Variants in TGFB3 observed in about 807,000 individuals in gnomAD.
TGFB3 encodes the protein transforming growth factor beta 3, also known as transforming growth factor beta-3 proprotein.
A neutral mutation model predicts 40.1 loss-of-function variants in TGFB3; 5 were observed. The observed-to-expected ratio is 0.12, with a 90% CI of 0.07 to 0.26. The LOEUF (loss-of-function observed/expected upper bound fraction) is 0.26. Ranked by LOEUF, TGFB3 falls within the 10% of genes least tolerant of loss-of-function variation. The pLI is 1.00. For synonymous variants in TGFB3, 184 were observed against 205.6 expected (o/e 0.89, Z 0.90); for missense variants, 373 against 530.1 (o/e 0.70, Z 2.91).
chr14:75,961,482 TG>T (rs138802884), intron 5 of TGFB3, among the ~76,000 whole-genome samples: 1 of 152,356 alleles, frequency 6.6e-6, no homozygotes, highest in East Asian at 1.9e-4. Flanking sequence ...TCTAAGTTTA[TG>T]CAGCTTGACT....
rs1217646124 is a variant in TGFB3, at chr14:75,979,472, C to T, written c.352+1070G>A. Among the ~76,000 whole-genome samples the T allele has an allele frequency of 6.6e-6, 1 of 152,182 alleles. No homozygotes were observed. Among genetic ancestry groups the T allele is most frequent in the Admixed American group, 6.5e-5 (1 of 15,284 alleles). ...GGTAGGAAAAGCAAACAGAGCTGCT[C>T]CCGGAGTCTACGGCCCACGAGTGGC... is the stretch of plus-strand genomic sequence containing the variant. On this transcript the variant is annotated intron_variant, in intron 1 of 6. Transcript: ENST00000238682. The surrounding 1 kb of genome is among the most constrained non-coding windows in gnomAD (Gnocchi z 4.8).
At chr14:75,960,897 T>C in intron 6 of TGFB3, 26 bp downstream of exon 6, 2 of 1,613,986 alleles carry the variant, frequency 1.2e-6, no homozygotes, top group African/African-American at 2.7e-5. Context: ...CCCCAGTGCC[T>C]CAGATGGCAT....
chr14:75,965,620 T>A lies in TGFB3; in HGVS notation c.722A>T (p.Asn241Ile). 6.2e-7 allele frequency: 1 copy of A among 1,614,130 alleles called. No individual in the cohort carries two copies. Among genetic ancestry groups the A allele is most frequent in the East Asian group, 2.2e-5 (1 of 44,890 alleles). The part of the protein sequence containing the change: ...TFQPNGDILE[N>I]IHEVMEIKFK... ...TTTGATTTCCATCACCTCGTGAATG[T>A]TTTCCAGGATATCTCCATTGGGCTG... Residue 241 changes from asparagine (N) to isoleucine (I), a missense_variant, in exon 4 of 7, where the codon AAC becomes ATC. By Grantham distance (149) the Asn-to-Ile change is moderately radical. Transcript: ENST00000238682.
At position 75,958,798 on chromosome 14, in the gene TGFB3, G is replaced by A; in HGVS notation, c.*389C>T. On this transcript the variant is annotated 3_prime_UTR_variant, in exon 7 of 7. Coordinates refer to ENST00000238682, the MANE Select transcript of TGFB3 (RefSeq NM_003239.5). ...AATGAGCAAATCCAACCTCAGATCTGAAGTGTCTTCCAGTCTGGCCCTGAC... is the reference window on the plus strand; with the variant it reads ...AATGAGCAAATCCAACCTCAGATCTAAAGTGTCTTCCAGTCTGGCCCTGAC... 1 of 336,240 alleles carries A rather than the reference G, an allele frequency of 3.0e-6. No individual in the cohort carries two copies. The highest frequency in any genetic ancestry group is 5.8e-6 in the Non-Finnish European group (1 of 171,304). 20.8% of individuals were successfully genotyped at this position (336,240 alleles called of 1,614,324 possible).
At chr14:75,960,758 G>A in intron 6 of TGFB3, 165 bp downstream of exon 6, 1 of 855,392 alleles carries the variant, frequency 1.2e-6, no homozygotes. Context: ...ATGTGACTGA[G>A]TAGAACTGAG....
intron 6 of TGFB3, 156 bp downstream of exon 6, chr14:75,960,767 A>C: frequency 1.1e-6 from 1 of 927,442 alleles, no homozygotes; most frequent in Non-Finnish European, 1.7e-6. Context: ...AGTAGAACTG[A>C]GTCAGGGTGC....
chr14:75,959,066 C>A lies in TGFB3; in HGVS notation c.*121G>T, dbSNP rs760285019. On this transcript the variant is annotated 3_prime_UTR_variant, in exon 7 of 7. Coordinates refer to ENST00000238682, the MANE Select transcript of TGFB3 (RefSeq NM_003239.5). ...GAAACCTCCATCTCAGCCATTTGCC[C>A]GGAGCCGAAGGTTGTGGGCTCCAGG... is the stretch of plus-strand genomic sequence containing the variant. 2 of 1,264,430 alleles carry A rather than the reference C, an allele frequency of 1.6e-6. No individual in the cohort carries two copies. The highest frequency in any genetic ancestry group is 4.7e-5 in the East Asian group (2 of 42,892). The allele number at this position is 1,264,430 out of a possible 1,614,324, so 78.3% of individuals were successfully genotyped here.
chr14:75,970,063 GCTGT>G lies in TGFB3; in HGVS notation c.646+1059_646+1062del, dbSNP rs575929856. Reference sequence around the variant, plus strand: ...CCTCACCCAGCCCCTCCTCCCTGTAGCTGTCTGAGTCAGAATTCCCAACAGAGCT... The same window carrying G: ...CCTCACCCAGCCCCTCCTCCCTGTAGCTGAGTCAGAATTCCCAACAGAGCT... On this transcript the variant is annotated intron_variant, in intron 3 of 6. Coordinates refer to ENST00000238682, the MANE Select transcript of TGFB3 (RefSeq NM_003239.5). Among the ~76,000 whole-genome samples, 66 of 152,256 alleles carry G rather than the reference GCTGT, an allele frequency of 4.3e-4. 1 individual carries two copies. The South Asian group carries it at 0.013, about 31-fold the overall frequency.
chr14:75,977,800 T>C (rs2035372497), intron 1 of TGFB3, among the ~76,000 whole-genome samples: 1 of 151,948 alleles, frequency 6.6e-6, no homozygotes, highest in African/African-American at 2.4e-5. Flanking sequence ...TAAATCAAAG[T>C]TCTACTGAAC....
chr14:75,973,943 C>T (rs1178365981), intron 1 of TGFB3, among the ~76,000 whole-genome samples: 1 of 152,060 alleles, frequency 6.6e-6, no homozygotes, highest in Non-Finnish European at 1.5e-5. Flanking sequence ...AGTTTGAGAC[C>T]AGCCTGACCA....
rs2035432379 is a variant in TGFB3 at position 75,981,461 on chromosome 14, G to GTC, written c.-569_-568insGA. ...AAAAGATCACCAGTGAGTAGGTGGG[G>GTC]AGAAGCAGGGCCGGGCAGTTGCTGG... On this transcript the variant is annotated 5_prime_UTR_variant, in exon 1 of 7. It introduces an in-frame stop codon into an upstream open reading frame of the 5' UTR. Transcript: ENST00000238682. The surrounding 1 kb of genome is among the most constrained non-coding windows in gnomAD (Gnocchi z 4.7). The GTC allele has an allele frequency of 5.5e-6, 1 of 181,372 alleles. No homozygotes were observed. The highest frequency in any genetic ancestry group is 1.2e-5 in the Non-Finnish European group (1 of 84,878). The allele number at this position is 181,372 out of a possible 1,614,324, so 11.2% of individuals were successfully genotyped here.
At chr14:75,969,534 A>G (rs1172986717) in intron 3 of TGFB3, among the ~76,000 whole-genome samples, 1 of 152,244 alleles carries the variant, frequency 6.6e-6, no homozygotes, top group Admixed American at 6.5e-5. Flanking sequence ...AAAACATGGT[A>G]AAAACCATGA....
Position 75,961,058 on chromosome 14 carries a change from G to A in TGFB3, c.945C>T (p.Cys315=). The change falls in exon 6 of 7, where the codon TGC becomes TGT. Residue 315 remains cysteine (C), a synonymous_variant. Transcript: ENST00000238682. ...NYCFRNLEEN[C]CVRPLYIDFR... is the part of the protein sequence containing the mutation. ...AGTCAATGTAGAGGGGGCGCACACA[G>A]CAGTTCTCCTCCAAGTTGCTACAAC... The A allele has an allele frequency of 6.2e-7, 1 of 1,614,212 alleles. No individual in the cohort carries two copies. The highest frequency in any genetic ancestry group is 1.1e-5 in the South Asian group (1 of 91,080).
Position 75,981,705 on chromosome 14 carries a change from C to T in TGFB3, c.-812G>A, listed in dbSNP as rs910721436. On this transcript the variant is annotated 5_prime_UTR_variant, in exon 1 of 7. An upstream open reading frame in the 5' UTR loses its in-frame stop. Coordinates refer to ENST00000238682, the MANE Select transcript of TGFB3 (RefSeq NM_003239.5). The surrounding 1 kb of genome is among the most constrained non-coding windows in gnomAD (Gnocchi z 4.7). The stretch of plus-strand genomic sequence containing the variant: ...AATCATCCACTCAGACGCCCAGGGT[C>T]ACCAGCACCTCGGCTTGTCTTCTGC... 3.9e-5 allele frequency: 6 copies of T among 152,638 alleles called. No homozygotes were observed. Among genetic ancestry groups the T allele is most frequent in the African/African-American group, 1.4e-4 (6 of 41,472 alleles). The allele number at this position is 152,638 out of a possible 1,614,324, so 9.5% of individuals were successfully genotyped here. A position where few individuals can be genotyped will look rare whatever the true frequency, so the allele number is the denominator to read the frequency against.
In TGFB3 at chr14:75,979,696, T is replaced by TCCC. The variant is rs749407585; in HGVS notation, c.352+843_352+845dup. Among the ~76,000 whole-genome samples the TCCC allele has an allele frequency of 8.8e-6, 1 of 113,264 alleles. No individual in the cohort carries two copies. The highest frequency in any genetic ancestry group is 1.9e-5 in the Non-Finnish European group (1 of 53,020). The allele number at this position is 113,264 out of a possible 152,430, so 74.3% of individuals were successfully genotyped here. A position where few individuals can be genotyped will look rare whatever the true frequency, so the allele number is the denominator to read the frequency against. ...CTGGGACGGCAGGCTCCCAGACATA[T>TCCC]CCCCCCCCCCCACCATGCACCCACT... is the stretch of plus-strand genomic sequence containing the variant. On this transcript the variant is annotated intron_variant, in intron 1 of 6. Transcript: ENST00000238682. The surrounding 1 kb of genome is among the most constrained non-coding windows in gnomAD (Gnocchi z 4.8).
chr14:75,981,060 T>C lies in TGFB3; in HGVS notation c.-167A>G, dbSNP rs1594792807. ...CACTGCACTGCGAGAGCTTCAGGAC[T>C]TCCAGGAAGCGCTGGCAACCCTGAG... On this transcript the variant is annotated 5_prime_UTR_variant, in exon 1 of 7. Transcript: ENST00000238682. The surrounding 1 kb of genome is among the most constrained non-coding windows in gnomAD (Gnocchi z 4.7). 1.5e-6 allele frequency: 1 copy of C among 675,368 alleles called. No individual in the cohort carries two copies. The allele number at this position is 675,368 out of a possible 1,614,324, so 41.8% of individuals were successfully genotyped here.
At chr14:75,970,428 C>T (rs995472562) in intron 3 of TGFB3, among the ~76,000 whole-genome samples, 7 of 151,864 alleles carry the variant, frequency 4.6e-5, no homozygotes, top group African/African-American at 1.7e-4. Context: ...GGTGTGGCAG[C>T]GTGCACCTGT....
chr14:75,961,520 A>T (rs1361219170), intron 5 of TGFB3, among the ~76,000 whole-genome samples: 1 of 152,224 alleles, frequency 6.6e-6, no homozygotes, highest in Non-Finnish European at 1.5e-5. Context: ...GCTGAGACTC[A>T]ATCCAAAGGC....
chr14:75,982,107 T>C (rs1362451477), upstream of TGFB3, among the ~76,000 whole-genome samples: 2 of 152,240 alleles, frequency 1.3e-5, no homozygotes, highest in Non-Finnish European at 2.9e-5. This position sits in a 1 kb window ranked among gnomAD's most constrained non-coding sequence, Gnocchi z 4.0. Flanking sequence ...ACGATGTTAA[T>C]GTTTTAAACA....
Sources: gnomAD v4.1 joint callset for allele counts (sites outside exome capture counted in the v4.1 genomes callset) on GRCh38, gnomAD v4.1.1 for gene constraint, Gnocchi (gnomAD v3.1) non-coding constraint, MANE v1.5 for transcripts, NCBI Gene and HGNC (gene_info 2026-07-23, HGNC 2026-07-21) for gene names.